Variants in PLXNA4 observed in about 807,000 individuals in gnomAD.
PLXNA4 encodes plexin A4.
In PLXNA4, 44 loss-of-function variants were observed where a neutral mutation model predicts 191.8. The observed-to-expected ratio is 0.23, with a 90% CI of 0.18 to 0.29. The LOEUF is 0.29. Among genes scored for constraint, PLXNA4 ranks in the 10% least tolerant of loss-of-function variants. The pLI is 1.00. For synonymous variants in PLXNA4, 1,082 were observed against 1,009.5 expected (o/e 1.07, Z -1.36); for missense variants, 1,800 against 2,488.8 (o/e 0.72, Z 5.89).
intron 3 of PLXNA4, among the ~76,000 whole-genome samples, chr7:132,456,483 G>A (rs1796321560): frequency 6.6e-6 from 1 of 152,176 alleles, no homozygotes; most frequent in Non-Finnish European, 1.5e-5. Context: ...AGAAGAGGCT[G>A]GAGGTACAGA....
At chr7:132,435,629 G>T (rs553326812) in intron 3 of PLXNA4, among the ~76,000 whole-genome samples, 6 of 152,156 alleles carry the variant, frequency 3.9e-5, no homozygotes, top group East Asian at 3.9e-4. Context: ...CATCCGGGGG[G>T]TTGTCTGTGG....
In PLXNA4 at chr7:132,479,144, C is replaced by T. The variant is rs531857279; in HGVS notation, c.1371+10148G>A. Among the ~76,000 whole-genome samples, 5 of 152,186 alleles carry T rather than the reference C, an allele frequency of 3.3e-5. No homozygotes were observed. The East Asian group carries it at 7.7e-4, about 24-fold the overall frequency. On this transcript the variant is annotated intron_variant, in intron 3 of 31. Coordinates refer to ENST00000321063, the MANE Select transcript of PLXNA4 (RefSeq NM_020911.2). ...ATTAGTGGAGCATGGTGACACATACCTGTAGTCCCAGGTACTTCGGCGACT... is the reference window on the plus strand; with the variant it reads ...ATTAGTGGAGCATGGTGACACATACTTGTAGTCCCAGGTACTTCGGCGACT...
intron 4 of PLXNA4, among the ~76,000 whole-genome samples, chr7:132,269,024 C>T (rs568516359): frequency 6.6e-6 from 1 of 152,290 alleles, no homozygotes; most frequent in East Asian, 1.9e-4. Flanking sequence ...ATTCTATTAG[C>T]TTGTGGTCTT....
intron 2 of PLXNA4, among the ~76,000 whole-genome samples, chr7:132,595,914 T>G (rs1037742529): frequency 6.6e-6 from 1 of 152,242 alleles, no homozygotes; most frequent in Non-Finnish European, 1.5e-5. Flanking sequence ...AACATTATCC[T>G]ACATACCTTC....
chr7:132,507,391 A>G, intron 2 of PLXNA4, 115 bp downstream of exon 2: 1 of 1,103,474 alleles, frequency 9.1e-7, no homozygotes, highest in Non-Finnish European at 1.3e-6. Context: ...GGGATGGGAT[A>G]TACTCACTTC....
At chr7:132,435,997 C>A (rs1272232868) in intron 3 of PLXNA4, among the ~76,000 whole-genome samples, 2 of 152,212 alleles carry the variant, frequency 1.3e-5, no homozygotes, top group East Asian at 1.9e-4. Context: ...CTTAGGGGCA[C>A]CCCCGAACCC....
intron 3 of PLXNA4, among the ~76,000 whole-genome samples, chr7:132,301,766 C>T (rs1459144165): frequency 2.0e-5 from 3 of 152,346 alleles, no homozygotes; most frequent in South Asian, 4.1e-4. Flanking sequence ...AATGAAGATG[C>T]TGTTGTAAAT....
At chr7:132,175,738 G>A (rs1796436432) in intron 20 of PLXNA4, among the ~76,000 whole-genome samples, 1 of 152,188 alleles carries the variant, frequency 6.6e-6, no homozygotes, top group Non-Finnish European at 1.5e-5. Flanking sequence ...CTCTGCCACA[G>A]GGGTACTCAG....
intron 3 of PLXNA4, among the ~76,000 whole-genome samples, chr7:132,362,703 G>C (rs1407669891): frequency 6.6e-6 from 1 of 152,182 alleles, no homozygotes; most frequent in Admixed American, 6.5e-5. Context: ...AAGAACACTT[G>C]ACTTGAAGTC....
chr7:132,283,433 G>A (rs1232407092), intron 4 of PLXNA4, among the ~76,000 whole-genome samples: 3 of 152,196 alleles, frequency 2.0e-5, no homozygotes, highest in Non-Finnish European at 4.4e-5. Context: ...AGAGAGATAC[G>A]ATCCTGGGCA....
intron 1 of PLXNA4, among the ~76,000 whole-genome samples, chr7:132,574,801 G>T (rs771964661): frequency 1.3e-4 from 20 of 152,166 alleles, no homozygotes; most frequent in Non-Finnish European, 2.6e-4. Context: ...CGGAGTCAGG[G>T]TGCTGAAAAA....
chr7:132,461,601 A>G (rs1351484035), intron 3 of PLXNA4, among the ~76,000 whole-genome samples: 1 of 152,258 alleles, frequency 6.6e-6, no homozygotes, highest in Non-Finnish European at 1.5e-5. Context: ...AAAGAAATCA[A>G]GTCAACACAC....
At chr7:132,234,567 T>TA (rs1016698486) in intron 5 of PLXNA4, among the ~76,000 whole-genome samples, 7 of 151,486 alleles carry the variant, frequency 4.6e-5, no homozygotes, top group African/African-American at 1.7e-4. Flanking sequence ...ATTTTTGACT[T>TA]ACCATTCTCT....
intron 2 of PLXNA4, among the ~76,000 whole-genome samples, chr7:132,625,487 T>C (rs1437707345): frequency 2.6e-5 from 4 of 152,196 alleles, no homozygotes; most frequent in Non-Finnish European, 4.4e-5. Flanking sequence ...ACCATTCACA[T>C]AGATCCTGTA....
chr7:132,203,320 C>A lies in PLXNA4; in HGVS notation c.2395+3G>T. On this transcript the variant is annotated splice_donor_region_variant and intron_variant, in intron 11 of 31. Coordinates refer to ENST00000321063, the MANE Select transcript of PLXNA4 (RefSeq NM_020911.2). ...CCCCTGCTAGGCCCCAGCCCTTCCA[C>A]ACCTTTATTCTGAGCTGGGTTGTCA... 6.2e-7 allele frequency: 1 copy of A among 1,609,530 alleles called. No individual in the cohort carries two copies. Among genetic ancestry groups the A allele is most frequent in the Non-Finnish European group, 8.5e-7 (1 of 1,175,954 alleles).
chr7:132,425,808 C>G (rs1795018225), intron 3 of PLXNA4, among the ~76,000 whole-genome samples: 1 of 152,234 alleles, frequency 6.6e-6, no homozygotes, highest in Admixed American at 6.5e-5. Context: ...CTATTAAACT[C>G]TCCATCGAGG....
chr7:132,198,238 G>A (rs547743357), intron 13 of PLXNA4, among the ~76,000 whole-genome samples: 11 of 152,276 alleles, frequency 7.2e-5, no homozygotes, highest in South Asian at 2.1e-4. Flanking sequence ...CCCCAAGTAG[G>A]TAACAGTCAC....
chr7:132,380,432 G>T (rs889530846), intron 3 of PLXNA4, among the ~76,000 whole-genome samples: 1 of 151,868 alleles, frequency 6.6e-6, no homozygotes, highest in Non-Finnish European at 1.5e-5. Context: ...GCAGATGGAT[G>T]GAATCAGAGA....
intron 3 of PLXNA4, among the ~76,000 whole-genome samples, chr7:132,310,659 C>T (rs1018577213): frequency 6.6e-6 from 1 of 152,192 alleles, no homozygotes; most frequent in African/African-American, 2.4e-5. Context: ...TGTTGCTCAG[C>T]CCCCAGGCAC....
Sources: allele counts gnomAD v4.1 joint callset (sites outside exome capture counted in the v4.1 genomes callset), GRCh38; gene constraint gnomAD v4.1.1; transcripts MANE v1.5; gene names NCBI Gene and HGNC (gene_info 2026-07-23, HGNC 2026-07-21).